IDE: variants seen among roughly 807,000 people sequenced by gnomAD.
IDE encodes insulin-degrading enzyme.
In IDE, 58 loss-of-function variants were observed where a neutral mutation model predicts 133.2. That is an observed-to-expected ratio of 0.44 (90% CI 0.35 to 0.54). The LOEUF is 0.54. IDE is among the 20% of genes least tolerant of loss of function. IDE has a pLI of 0.00. For missense variants in IDE, 981 were observed against 1,234.0 expected, an observed-to-expected ratio of 0.79 and a Z score of 3.07; for synonymous variants, 396 against 421.3, an observed-to-expected ratio of 0.94 and a Z score of 0.73.
intron 4 of IDE, among the ~76,000 whole-genome samples, chr10:92,530,226 CAATA>C (rs200517884): frequency 0.011 from 1,661 of 149,708 alleles, 11 homozygotes; most frequent in African/African-American, 0.023. Context: ...GACTCCGTCT[CAATA>C]AATAAATAAA....
Position 92,537,540 on chromosome 10 carries a change from T to C in IDE, c.109A>G (p.Lys37Glu). Residue 37 changes from lysine to glutamate, a missense_variant, in exon 2 of 25, where the codon AAG becomes GAG. Coordinates refer to ENST00000265986, the MANE Select transcript of IDE (RefSeq NM_004969.4). ...GGATTATTCATTTTGCTGTAAGTCT[T>C]TTTTTGGAAACTGAAAAGAAAGAGA... ...PPERLCGFQK[K>E]TYSKMNNPAI... 6.3e-7 allele frequency: 1 copy of C among 1,590,648 alleles called. No homozygotes were observed. Among genetic ancestry groups the C allele is most frequent in the Admixed American group, 1.9e-5 (1 of 52,752 alleles).
chr10:92,530,837 T>C (rs1229130135), intron 4 of IDE, among the ~76,000 whole-genome samples: 2 of 152,190 alleles, frequency 1.3e-5, no homozygotes, highest in East Asian at 1.9e-4. Context: ...CTGACTGCTG[T>C]TGGATACATT....
rs1844842936 is a variant in IDE at position 92,453,501 on chromosome 10, A to C, written c.*943T>G. The C allele has an allele frequency of 6.6e-6, 1 of 152,194 alleles. No homozygotes were observed. The highest frequency in any genetic ancestry group is 1.5e-5 in the Non-Finnish European group (1 of 68,028). 9.4% of individuals were successfully genotyped at this position (152,194 alleles called of 1,614,324 possible). ...TGTATTGGCTGCCTTTTAAATTCAT[A>C]AAGGGGCAAGATATTTTGGTTCACA... is the stretch of plus-strand genomic sequence containing the variant. On this transcript the variant is annotated 3_prime_UTR_variant, in exon 25 of 25. Transcript: ENST00000265986.
intron 4 of IDE, among the ~76,000 whole-genome samples, chr10:92,523,552 T>A (rs1267517832): frequency 1.5e-4 from 22 of 146,956 alleles, no homozygotes; most frequent in Middle Eastern, 3.4e-3. Flanking sequence ...AAAAAAAAAA[T>A]TAGTTAGGCA....
At chr10:92,542,086 G>C (rs542422978) in intron 1 of IDE, among the ~76,000 whole-genome samples, 1 of 152,282 alleles carries the variant, frequency 6.6e-6, no homozygotes, top group South Asian at 2.1e-4. Flanking sequence ...TATGCAAATG[G>C]TTACAAAAAT....
chr10:92,564,543 C>T (rs1218474465), intron 1 of IDE, among the ~76,000 whole-genome samples: 1 of 151,556 alleles, frequency 6.6e-6, no homozygotes, highest in Non-Finnish European at 1.5e-5. Flanking sequence ...GGCATGGTGG[C>T]ACACGCCTGT....
At chr10:92,532,187 A>G (rs960306246) in intron 3 of IDE, among the ~76,000 whole-genome samples, 17 of 152,046 alleles carry the variant, frequency 1.1e-4, no homozygotes, top group African/African-American at 3.4e-4. Context: ...CAAAAAAGGC[A>G]GATTATGGAC....
Position 92,550,650 on chromosome 10 carries a change from CAAA to C in IDE, c.99-13103_99-13101del, listed in dbSNP as rs71028826. On this transcript the variant is annotated intron_variant, in intron 1 of 24. Transcript: ENST00000265986. ...TGGGCAACAGAGCTAGACTCCGTCT[CAAA>C]AAAAAAAAAAAAAAAAAAAAATCGT... 1.4e-4 allele frequency among the ~76,000 whole-genome samples: 8 copies of C among 57,418 alleles called. No individual in the cohort carries two copies. The East Asian group carries it at 2.6e-3, about 19-fold the overall frequency. The allele number at this position is 57,418 out of a possible 152,430, so 37.7% of individuals were successfully genotyped here. A position where few individuals can be genotyped will look rare whatever the true frequency, so the allele number is the denominator to read the frequency against.
At position 92,468,893 on chromosome 10, in the gene IDE, AC is replaced by A. The variant is rs755627829; in HGVS notation, c.2305del (p.Val769PhefsTer78). 1.9e-6 allele frequency: 3 copies of A among 1,595,234 alleles called. No individual in the cohort carries two copies. The highest frequency in any genetic ancestry group is 2.6e-6 in the Non-Finnish European group (3 of 1,162,934). ...LPSQLVRYREVQLPDRGWFVY... is the reference protein window; with the variant it reads ...LPSQLVRYREXQLPDRGWFVY... ...TCTCTACTTACTGTCAGGGAGCTGA[AC>A]TTCTCTATACCGAACCAGCTGACTT... On this transcript the variant is annotated frameshift_variant, in exon 19 of 25. Transcript: ENST00000265986. LOFTEE classifies it high-confidence loss of function.
At position 92,484,461 on chromosome 10, in the gene IDE, A is replaced by G. The variant is rs191922794; in HGVS notation, c.1657-1124T>C. ...AGAAACTGTGTGTGAGATACGGTGCAGCAGCTCACACCTGTAATCCCAGCA... is the reference window on the plus strand; with the variant it reads ...AGAAACTGTGTGTGAGATACGGTGCGGCAGCTCACACCTGTAATCCCAGCA... On this transcript the variant is annotated intron_variant, in intron 13 of 24. Transcript: ENST00000265986. Among the ~76,000 whole-genome samples the G allele has an allele frequency of 5.0e-3, 753 of 151,862 alleles. 8 individuals carry two copies. Among genetic ancestry groups the G allele is most frequent in the African/African-American group, 0.017 (716 of 41,390 alleles).
At chr10:92,550,486 CTG>C (rs1420929338) in intron 1 of IDE, among the ~76,000 whole-genome samples, 2 of 151,782 alleles carry the variant, frequency 1.3e-5, no homozygotes, top group African/African-American at 2.4e-5. Flanking sequence ...TTTAAAAACA[CTG>C]TGAATACAAA....
At chr10:92,466,328 T>G (rs1190652381) in intron 19 of IDE, among the ~76,000 whole-genome samples, 1 of 152,168 alleles carries the variant, frequency 6.6e-6, no homozygotes, top group South Asian at 2.1e-4. Context: ...TTTGTACTTT[T>G]TTTTTTGAGA....
chr10:92,560,973 C>A (rs927164736), intron 1 of IDE, among the ~76,000 whole-genome samples: 1 of 152,084 alleles, frequency 6.6e-6, no homozygotes, highest in Non-Finnish European at 1.5e-5. Flanking sequence ...GTGGCTCAGG[C>A]TGGGCGTGGT....
intron 15 of IDE, 150 bp from the exon 16 acceptor site, chr10:92,476,144 G>T (rs1846239869): frequency 3.7e-6 from 2 of 537,328 alleles, no homozygotes; most frequent in South Asian, 4.8e-5. Flanking sequence ...AATATATATA[G>T]TGTAACACTT....
At chr10:92,532,000 G>C in intron 3 of IDE, 83 bp from the exon 4 acceptor site, 1 of 962,850 alleles carries the variant, frequency 1.0e-6, no homozygotes, top group Non-Finnish European at 1.4e-6. Flanking sequence ...GAACTTATTA[G>C]ATAGGAAATG....
intron 6 of IDE, 61 bp downstream of exon 6, chr10:92,509,989 A>G: frequency 1.3e-6 from 1 of 749,322 alleles, no homozygotes; most frequent in South Asian, 1.8e-5. Context: ...TTCTATGGTA[A>G]ACTAGGTATA....
chr10:92,569,864 C>T (rs1205262649), intron 1 of IDE, among the ~76,000 whole-genome samples: 2 of 152,124 alleles, frequency 1.3e-5, no homozygotes, highest in African/African-American at 4.8e-5. Flanking sequence ...AATCCGAGCA[C>T]TTTGGGAGGC....
At chr10:92,534,905 C>G (rs1841914677) in intron 2 of IDE, 120 bp from the exon 3 acceptor site, 3 of 671,334 alleles carry the variant, frequency 4.5e-6, no homozygotes, top group Admixed American at 5.5e-5. Flanking sequence ...GAAAGTTAAG[C>G]ACAAGCTACC....
At chr10:92,546,945 A>C (rs1842555922) in intron 1 of IDE, among the ~76,000 whole-genome samples, 1 of 152,250 alleles carries the variant, frequency 6.6e-6, no homozygotes, top group Non-Finnish European at 1.5e-5. Flanking sequence ...TTATTTTTAA[A>C]ACAAAATTAA....
Sources: allele counts gnomAD v4.1 joint callset (sites outside exome capture counted in the v4.1 genomes callset), GRCh38; gene constraint gnomAD v4.1.1; transcripts MANE v1.5; gene names NCBI Gene and HGNC (gene_info 2026-07-23, HGNC 2026-07-21).